The following INPP5A variants were observed in gnomAD, a reference collection of about 807,000 sequenced individuals.
INPP5A encodes 43 kDa inositol polyphosphate 5-phophatase.
A neutral mutation model predicts 65.2 loss-of-function variants in INPP5A; 14 were observed. The observed-to-expected ratio is 0.21, with a 90% CI of 0.14 to 0.34. The LOEUF is 0.34. Among genes scored for constraint, INPP5A ranks in the 10% least tolerant of loss-of-function variants. INPP5A has a pLI of 1.00. For synonymous variants in INPP5A, 207 were observed against 208.3 expected (o/e 0.99, Z 0.05); for missense variants, 431 against 545.6 (o/e 0.79, Z 2.09).
chr10:132,672,342 T>C (rs2072901623), intron 4 of INPP5A, among the ~76,000 whole-genome samples: 2 of 152,320 alleles, frequency 1.3e-5, no homozygotes, highest in African/African-American at 4.8e-5. Flanking sequence ...TGGAATAATA[T>C]GGTTTGGCTG....
intron 8 of INPP5A, among the ~76,000 whole-genome samples, chr10:132,718,419 G>C (rs1291894828): frequency 2.7e-5 from 4 of 150,402 alleles, no homozygotes; most frequent in Non-Finnish European, 4.4e-5. Context: ...TGCGGGTTCT[G>C]TGGTACCTGG....
chr10:132,544,554 G>A (rs1166838846), intron 1 of INPP5A, among the ~76,000 whole-genome samples: 1 of 152,176 alleles, frequency 6.6e-6, no homozygotes, highest in Non-Finnish European at 1.5e-5. Flanking sequence ...GCCGGGCAGG[G>A]AGGGTTAAAT....
chr10:132,690,037 G>A (rs950568599), intron 4 of INPP5A, among the ~76,000 whole-genome samples: 6 of 152,248 alleles, frequency 3.9e-5, no homozygotes, highest in Non-Finnish European at 7.3e-5. Flanking sequence ...CCTGGGAAGG[G>A]TCTGGTCCAC....
At chr10:132,732,570 C>T (rs1171771464) in intron 9 of INPP5A, among the ~76,000 whole-genome samples, 1 of 152,196 alleles carries the variant, frequency 6.6e-6, no homozygotes, top group Non-Finnish European at 1.5e-5. Context: ...CTCACTGAAG[C>T]TAAGTGCTTG....
chr10:132,649,346 G>A (rs896709756), intron 3 of INPP5A, among the ~76,000 whole-genome samples: 11 of 152,302 alleles, frequency 7.2e-5, no homozygotes, highest in African/African-American at 1.9e-4. Flanking sequence ...TGCCTCTTCC[G>A]GGTCTGTTTC....
At chr10:132,586,871 G>A (rs2071551977) in intron 1 of INPP5A, among the ~76,000 whole-genome samples, 1 of 152,252 alleles carries the variant, frequency 6.6e-6, no homozygotes, top group Admixed American at 6.5e-5. Context: ...GCGTCAGAAG[G>A]CGGCGCAGCG....
At chr10:132,672,406 C>T (rs546229643) in intron 4 of INPP5A, among the ~76,000 whole-genome samples, 12 of 152,216 alleles carry the variant, frequency 7.9e-5, no homozygotes, top group African/African-American at 2.2e-4. Flanking sequence ...AGGGACCCTG[C>T]GGGAGGCAAG....
chr10:132,663,925 C>G lies in INPP5A; in HGVS notation c.306+13420C>G, dbSNP rs768989624. On this transcript the variant is annotated intron_variant, in intron 4 of 15. Coordinates refer to ENST00000368594, the MANE Select transcript of INPP5A (RefSeq NM_005539.5). This position sits in a 1 kb window ranked among gnomAD's most constrained non-coding sequence, Gnocchi z 4.5. Reference sequence around the variant, plus strand: ...CCAAGGTGCCTCGTGGGCAGCCGATCCATCAGGCGGCCGACAGGCGTGATC... The same window carrying G: ...CCAAGGTGCCTCGTGGGCAGCCGATGCATCAGGCGGCCGACAGGCGTGATC... Among the ~76,000 whole-genome samples, 1 of 152,240 alleles carries G rather than the reference C, an allele frequency of 6.6e-6. No homozygotes were observed. Among genetic ancestry groups the G allele is most frequent in the East Asian group, 1.9e-4 (1 of 5,200 alleles).
chr10:132,592,777 C>G (rs996840838), intron 1 of INPP5A, among the ~76,000 whole-genome samples: 8 of 152,240 alleles, frequency 5.3e-5, no homozygotes, highest in African/African-American at 1.9e-4. Context: ...GAGGCACACG[C>G]AGGACTTTCT....
chr10:132,562,712 G>A (rs759032541), intron 1 of INPP5A, among the ~76,000 whole-genome samples: 1 of 152,264 alleles, frequency 6.6e-6, no homozygotes, highest in Non-Finnish European at 1.5e-5. Flanking sequence ...ACTGTGAGGA[G>A]CGGCATGCTT....
At chr10:132,634,795 G>A (rs114207172) in intron 2 of INPP5A, among the ~76,000 whole-genome samples, 359 of 152,360 alleles carry the variant, frequency 2.4e-3, no homozygotes, top group African/African-American at 8.2e-3. Context: ...TGCGGCTCAC[G>A]GTGGCCCTCC....
At chr10:132,769,082 TGAC>T (rs1221052755) in intron 12 of INPP5A, among the ~76,000 whole-genome samples, 1 of 152,172 alleles carries the variant, frequency 6.6e-6, no homozygotes, top group Non-Finnish European at 1.5e-5. Context: ...ACTGGCAGAG[TGAC>T]GCCAGGAAAT....
intron 4 of INPP5A, among the ~76,000 whole-genome samples, chr10:132,689,408 C>G (rs979165340): frequency 6.6e-6 from 1 of 152,226 alleles, no homozygotes; most frequent in Non-Finnish European, 1.5e-5. Context: ...GGACCTGCTA[C>G]CCCCACAGGG....
At chr10:132,742,893 C>A (rs1338042836) in intron 9 of INPP5A, among the ~76,000 whole-genome samples, 1 of 152,200 alleles carries the variant, frequency 6.6e-6, no homozygotes, top group Non-Finnish European at 1.5e-5. Context: ...AAGACCATTT[C>A]TTTTAGAAGA....
intron 8 of INPP5A, among the ~76,000 whole-genome samples, chr10:132,721,137 C>T (rs1401298404): frequency 2.7e-5 from 4 of 149,416 alleles, no homozygotes; most frequent in Admixed American, 2.0e-4. Context: ...TTCTGTGGTA[C>T]CTGGGTTCTG....
intron 8 of INPP5A, among the ~76,000 whole-genome samples, chr10:132,718,245 C>A (rs1330425062): frequency 7.4e-6 from 1 of 135,398 alleles, no homozygotes; most frequent in Non-Finnish European, 1.6e-5. Context: ...GCACCTTAGA[C>A]GGCTGTCTTG....
intron 11 of INPP5A, among the ~76,000 whole-genome samples, 200 bp from the exon 12 acceptor site, chr10:132,765,573 G>A (rs891306565): frequency 6.6e-6 from 1 of 152,170 alleles, no homozygotes; most frequent in Admixed American, 6.5e-5. Flanking sequence ...AACGGGCAGG[G>A]CAGGTCCCAC....
intron 11 of INPP5A, among the ~76,000 whole-genome samples, chr10:132,763,516 C>T (rs1846769969): frequency 6.6e-6 from 1 of 152,178 alleles, no homozygotes; most frequent in Non-Finnish European, 1.5e-5. Context: ...CCTGCATACA[C>T]ATAAACACGT....
chr10:132,609,777 T>C (rs1385091038), intron 2 of INPP5A, among the ~76,000 whole-genome samples: 2 of 152,122 alleles, frequency 1.3e-5, no homozygotes, highest in Non-Finnish European at 2.9e-5. Flanking sequence ...CCCAAATAGC[T>C]GGGATTACAG....
Sources: allele counts gnomAD v4.1 joint callset (sites outside exome capture counted in the v4.1 genomes callset), GRCh38; gene constraint gnomAD v4.1.1; non-coding constraint Gnocchi (gnomAD v3.1); transcripts MANE v1.5; gene names NCBI Gene and HGNC (gene_info 2026-07-23, HGNC 2026-07-21).